Variants in DCC observed in about 807,000 individuals in gnomAD.
DCC encodes netrin receptor DCC.
A neutral mutation model predicts 172.5 loss-of-function variants in DCC; 58 were observed. That is an observed-to-expected ratio of 0.34 (90% CI 0.27 to 0.42). The LOEUF is 0.42. DCC is among the 10% of genes least tolerant of loss of function. The pLI, the probability that DCC is intolerant of heterozygous loss-of-function variation, is 1.00. For synonymous variants in DCC, 709 were observed against 644.5 expected (o/e 1.10, Z -1.52); for missense variants, 1,740 against 1,791.0 (o/e 0.97, Z 0.51).
At chr18:52,497,856 C>A (rs1327399133) in intron 1 of DCC, among the ~76,000 whole-genome samples, 2 of 152,154 alleles carry the variant, frequency 1.3e-5, no homozygotes, top group Non-Finnish European at 2.9e-5. Context: ...GTAACAAGAT[C>A]TCCAGGTGAT....
intron 5 of DCC, among the ~76,000 whole-genome samples, chr18:52,995,623 T>C (rs1451003108): frequency 6.6e-6 from 1 of 152,070 alleles, no homozygotes; most frequent in Non-Finnish European, 1.5e-5. Context: ...AGAGCATACT[T>C]TCTAACATCT....
chr18:53,377,892 A>G (rs1048619650), intron 15 of DCC, among the ~76,000 whole-genome samples: 1 of 152,226 alleles, frequency 6.6e-6, no homozygotes, highest in Admixed American at 6.5e-5. Flanking sequence ...CAAAAGATTC[A>G]GCAAAACTGC....
chr18:53,278,792 A>G (rs1421469629), intron 12 of DCC, among the ~76,000 whole-genome samples: 2 of 152,178 alleles, frequency 1.3e-5, no homozygotes, highest in Admixed American at 6.6e-5. Flanking sequence ...TCCTCACAAC[A>G]CCACAAAGTT....
intron 1 of DCC, among the ~76,000 whole-genome samples, chr18:52,484,936 G>A (rs769783670): frequency 6.6e-5 from 10 of 151,948 alleles, no homozygotes; most frequent in Non-Finnish European, 1.2e-4. Context: ...TATTTTTCTG[G>A]AGACCAGGCT....
intron 1 of DCC, among the ~76,000 whole-genome samples, chr18:52,738,065 A>G (rs530640520): frequency 7.2e-4 from 109 of 152,230 alleles, no homozygotes; most frequent in African/African-American, 2.3e-3. Context: ...GTATCGATAT[A>G]CCATCCTCGG....
At chr18:53,493,252 C>T (rs143432385) in intron 26 of DCC, among the ~76,000 whole-genome samples, 1 of 152,166 alleles carries the variant, frequency 6.6e-6, no homozygotes, top group Non-Finnish European at 1.5e-5. Flanking sequence ...TCTAAATATA[C>T]AATCATGTCT....
intron 12 of DCC, among the ~76,000 whole-genome samples, chr18:53,250,128 T>C (rs2056412161): frequency 6.6e-6 from 1 of 151,924 alleles, no homozygotes; most frequent in South Asian, 2.1e-4. Context: ...GTTCCGTTTT[T>C]TTAAAATGGG....
intron 1 of DCC, among the ~76,000 whole-genome samples, chr18:52,484,626 T>C (rs964286276): frequency 6.6e-6 from 1 of 152,040 alleles, no homozygotes; most frequent in Non-Finnish European, 1.5e-5. Context: ...TAAGGAGTTG[T>C]ACTAAACTGG....
chr18:52,831,528 G>A (rs752024293), intron 2 of DCC, among the ~76,000 whole-genome samples: 9 of 152,076 alleles, frequency 5.9e-5, no homozygotes, highest in Non-Finnish European at 1.3e-4. Context: ...CGTGGTAACA[G>A]TTACATTCTG....
At chr18:53,252,805 G>A (rs1361341099) in intron 12 of DCC, among the ~76,000 whole-genome samples, 1 of 151,876 alleles carries the variant, frequency 6.6e-6, no homozygotes, top group African/African-American at 2.4e-5. Context: ...GGTTAAATGA[G>A]CAATTTGGAA....
chr18:52,474,269 A>G (rs1292731276), intron 1 of DCC, among the ~76,000 whole-genome samples: 1 of 151,146 alleles, frequency 6.6e-6, no homozygotes, highest in Admixed American at 6.6e-5. Flanking sequence ...TTCATACACC[A>G]TTACCACACT....
intron 1 of DCC, among the ~76,000 whole-genome samples, chr18:52,572,894 C>G (rs1598923210): frequency 6.6e-6 from 1 of 152,190 alleles, no homozygotes. Flanking sequence ...CTGATTTGAA[C>G]TGTACATTGC....
intron 7 of DCC, among the ~76,000 whole-genome samples, chr18:53,139,616 C>G (rs1474756623): frequency 6.6e-6 from 1 of 152,062 alleles, no homozygotes; most frequent in Non-Finnish European, 1.5e-5. Flanking sequence ...AATTTTAACT[C>G]AGTTGACTTT....
At chr18:52,835,186 G>A (rs114837844) in intron 2 of DCC, among the ~76,000 whole-genome samples, 24 of 152,178 alleles carry the variant, frequency 1.6e-4, no homozygotes, top group East Asian at 7.7e-4. Context: ...ACAATGCCAC[G>A]TATGGCCATG....
chr18:52,861,736 G>A (rs533249875), intron 2 of DCC, among the ~76,000 whole-genome samples: 1 of 152,244 alleles, frequency 6.6e-6, no homozygotes, highest in East Asian at 1.9e-4. Context: ...TGTTGGGTTA[G>A]CAATATTTAT....
At chr18:53,036,263 T>C (rs1332236286) in intron 5 of DCC, among the ~76,000 whole-genome samples, 1 of 152,064 alleles carries the variant, frequency 6.6e-6, no homozygotes, top group Non-Finnish European at 1.5e-5. Flanking sequence ...CTATAATGCT[T>C]GTTTTGAAAA....
intron 7 of DCC, among the ~76,000 whole-genome samples, chr18:53,109,201 A>G (rs2043295134): frequency 6.6e-6 from 1 of 151,340 alleles, no homozygotes; most frequent in African/African-American, 2.4e-5. Context: ...CTTTTGTGAA[A>G]TGCCTACTCA....
chr18:52,728,835 A>T (rs544188280), intron 1 of DCC, among the ~76,000 whole-genome samples: 1 of 152,196 alleles, frequency 6.6e-6, no homozygotes, highest in Non-Finnish European at 1.5e-5. Flanking sequence ...GACTTGTTGC[A>T]TCCTTCATGC....
chr18:53,113,254 T>A (rs2043360682), intron 7 of DCC, among the ~76,000 whole-genome samples: 1 of 151,554 alleles, frequency 6.6e-6, no homozygotes, highest in Non-Finnish European at 1.5e-5. Context: ...GAATCTTTTA[T>A]TCAGAGGCTG....
Sources: allele counts gnomAD v4.1 joint callset (sites outside exome capture counted in the v4.1 genomes callset), GRCh38; gene constraint gnomAD v4.1.1; transcripts MANE v1.5; gene names NCBI Gene and HGNC (gene_info 2026-07-23, HGNC 2026-07-21).